The following B3GALNT2 variants were observed in gnomAD, a reference collection of about 807,000 sequenced individuals.
B3GALNT2 encodes the protein UDP-GalNAc:beta-1,3-N-acetylgalactosaminyltransferase 2.
Under a neutral mutation model 61.1 loss-of-function variants are expected in B3GALNT2, and 53 were observed. That is an observed-to-expected ratio of 0.87 (90% CI 0.70 to 1.09). The LOEUF is 1.09. Ranked by LOEUF, B3GALNT2 falls within the 50% of genes least tolerant of loss-of-function variation. The probability of loss-of-function intolerance (pLI) is 0.00; values close to 1 mark genes in which losing one functional copy is unlikely to be tolerated. For synonymous variants in B3GALNT2, 223 were observed against 237.4 expected (o/e 0.94, Z 0.56); for missense variants, 544 against 623.0 (o/e 0.87, Z 1.35).
At chr1:235,486,280 G>C (rs1684801491) in intron 3 of B3GALNT2, among the ~76,000 whole-genome samples, 1 of 152,100 alleles carries the variant, frequency 6.6e-6, no homozygotes, top group Non-Finnish European at 1.5e-5. Context: ...GTCATGGGCT[G>C]GGCAAGCACT....
chr1:235,453,750 A>C (rs938290791), intron 10 of B3GALNT2, among the ~76,000 whole-genome samples: 12 of 152,186 alleles, frequency 7.9e-5, no homozygotes, highest in African/African-American at 2.9e-4. Context: ...CCCAGCCTCC[A>C]GGGATGACAC....
At chr1:235,461,867 AAT>A (rs1173154954) in intron 7 of B3GALNT2, among the ~76,000 whole-genome samples, 2 of 152,190 alleles carry the variant, frequency 1.3e-5, no homozygotes, top group Non-Finnish European at 1.5e-5. Flanking sequence ...ATGTAAAAAC[AAT>A]ATGTGTTCAC....
chr1:235,489,517 C>T (rs1043612391), intron 2 of B3GALNT2, among the ~76,000 whole-genome samples: 2 of 152,202 alleles, frequency 1.3e-5, no homozygotes. Context: ...TCTGGCCTCG[C>T]TACAAGCAAA....
In B3GALNT2 at chr1:235,454,130, C is replaced by G. The variant is rs200441897; in HGVS notation, c.1311+26G>C. 41 of 1,571,592 alleles carry G rather than the reference C, an allele frequency of 2.6e-5. 1 individual carries two copies. In the African/African-American group the frequency reaches 5.6e-4, roughly 21 times the overall value. On this transcript the variant is annotated intron_variant, in intron 10 of 11. Coordinates refer to ENST00000366600, the MANE Select transcript of B3GALNT2 (RefSeq NM_152490.5). Reference sequence around the variant, plus strand: ...TTGTGATTACTGGCAAGAGCCACCACGCCAAGCTAAGAAATTCTTAATTAC... The same window carrying G: ...TTGTGATTACTGGCAAGAGCCACCAGGCCAAGCTAAGAAATTCTTAATTAC...
At chr1:235,469,423 T>C (rs993363552) in intron 6 of B3GALNT2, among the ~76,000 whole-genome samples, 3 of 152,256 alleles carry the variant, frequency 2.0e-5, no homozygotes, top group African/African-American at 7.2e-5. Flanking sequence ...TATTGACCTA[T>C]ATTTACTTTG....
chr1:235,485,060 A>G (rs983712555), intron 3 of B3GALNT2, among the ~76,000 whole-genome samples: 1 of 152,246 alleles, frequency 6.6e-6, no homozygotes, highest in African/African-American at 2.4e-5. Flanking sequence ...ATAAAAGATA[A>G]GCATATCAAA....
At chr1:235,502,509 A>G (rs1184102635) in intron 1 of B3GALNT2, among the ~76,000 whole-genome samples, 7 of 152,200 alleles carry the variant, frequency 4.6e-5, no homozygotes. Flanking sequence ...ACTAGTATTG[A>G]TCTTCTTACC....
downstream of B3GALNT2, among the ~76,000 whole-genome samples, chr1:235,446,980 T>A (rs979793587): frequency 6.6e-6 from 1 of 152,150 alleles, no homozygotes; most frequent in Non-Finnish European, 1.5e-5. Context: ...AGATTTCTTA[T>A]TAGAACTGTT....
intron 7 of B3GALNT2, chr1:235,463,368 C>T (rs182886304): frequency 3.9e-4 from 59 of 151,582 alleles, no homozygotes; most frequent in African/African-American, 1.4e-3. Flanking sequence ...CCCCCAAAAC[C>T]GATTGAAATT....
chr1:235,444,264 A>G (rs1336700850), downstream of B3GALNT2, among the ~76,000 whole-genome samples: 1 of 152,208 alleles, frequency 6.6e-6, no homozygotes, highest in Admixed American at 6.5e-5. Flanking sequence ...TACTCCTGTA[A>G]TATGTAATTT....
intron 11 of B3GALNT2, chr1:235,452,546 AC>A (rs1682971373): frequency 1.1e-5 from 1 of 91,020 alleles, no homozygotes; most frequent in East Asian, 2.9e-4. Flanking sequence ...AAAATCCAAA[AC>A]TTTTTTTTTT....
At chr1:235,463,346 A>C (rs775689703) in intron 7 of B3GALNT2, 1 of 152,132 alleles carries the variant, frequency 6.6e-6, no homozygotes, top group Admixed American at 6.5e-5. Flanking sequence ...ATGTAATCAA[A>C]CACCACCTGC....
chr1:235,452,745 G>A (rs537203898), intron 11 of B3GALNT2, among the ~76,000 whole-genome samples: 1 of 151,924 alleles, frequency 6.6e-6, no homozygotes, highest in African/African-American at 2.4e-5. Flanking sequence ...AGAGACGGGG[G>A]GTTTCACCAT....
At chr1:235,487,630 A>T (rs2102850361) in intron 3 of B3GALNT2, among the ~76,000 whole-genome samples, 1 of 152,318 alleles carries the variant, frequency 6.6e-6, no homozygotes, top group East Asian at 1.9e-4. Flanking sequence ...CAGAAGTCCT[A>T]ATCAGCATAT....
chr1:235,462,279 T>C (rs1314258031), intron 7 of B3GALNT2, among the ~76,000 whole-genome samples: 2 of 152,218 alleles, frequency 1.3e-5, no homozygotes, highest in Non-Finnish European at 2.9e-5. Flanking sequence ...TCACTGCATG[T>C]ATCTGAAAAA....
In B3GALNT2 at chr1:235,494,749, A is replaced by G. The variant is rs753983844; in HGVS notation, c.192T>C (p.His64=). The G allele has an allele frequency of 2.5e-6, 4 of 1,612,830 alleles. No individual in the cohort carries two copies. The South Asian group carries it at 3.3e-5, about 13-fold the overall frequency. ...VVGVLSARNN[H]ELRNVIRSTW... ...TGCTTCTTATCACGTTTCGAAGTTC[A>G]TGGTTATTGCGAGCTGACAACACGC... The change falls in exon 2 of 12, where the codon CAT becomes CAC. Residue 64 remains histidine, a synonymous_variant. Coordinates refer to ENST00000366600, the MANE Select transcript of B3GALNT2 (RefSeq NM_152490.5).
chr1:235,447,044 T>C (rs758271524), downstream of B3GALNT2, among the ~76,000 whole-genome samples: 1 of 152,178 alleles, frequency 6.6e-6, no homozygotes, highest in Non-Finnish European at 1.5e-5. Context: ...CACTCCCCAC[T>C]GGTGTGCAGC....
chr1:235,479,891 T>G, intron 5 of B3GALNT2, 163 bp downstream of exon 5: 1 of 1,252,224 alleles, frequency 8.0e-7, no homozygotes, highest in Admixed American at 3.2e-5. Context: ...GAGGTTTGAA[T>G]ACAGAGTGCT....
In B3GALNT2 at chr1:235,496,390, G is replaced by T. The variant is rs950041167; in HGVS notation, c.113-1562C>A. On this transcript the variant is annotated intron_variant, in intron 1 of 11. Coordinates refer to ENST00000366600, the MANE Select transcript of B3GALNT2 (RefSeq NM_152490.5). ...TCTACAATGAGTCATGTACTAAAAC[G>T]AATTCTTTTATAAAGACAATTTATT... 1.3e-5 allele frequency: 11 copies of T among 833,780 alleles called. No individual in the cohort carries two copies. In the African/African-American group the frequency reaches 1.7e-4, roughly 13 times the overall value. 51.6% of individuals were successfully genotyped at this position (833,780 alleles called of 1,614,324 possible). A position where few individuals can be genotyped will look rare whatever the true frequency, so the allele number is the denominator to read the frequency against.
Sources: allele counts gnomAD v4.1 joint callset (sites outside exome capture counted in the v4.1 genomes callset), GRCh38; gene constraint gnomAD v4.1.1; transcripts MANE v1.5; gene names NCBI Gene and HGNC (gene_info 2026-07-23, HGNC 2026-07-21).